Variants in LRRC37A2 observed in about 807,000 individuals in gnomAD.
The protein encoded by LRRC37A2 is leucine rich repeat containing 37 member A2.
LRRC37A2 carries 9 observed loss-of-function variants against 68.8 expected under a neutral mutation model. The observed-to-expected ratio is 0.13, with a 90% CI of 0.08 to 0.23. LRRC37A2 has a LOEUF of 0.23. Among genes scored for constraint, LRRC37A2 ranks in the 10% least tolerant of loss-of-function variants. LRRC37A2 has a pLI of 1.00. For missense variants in LRRC37A2, 168 were observed against 950.4 expected, an observed-to-expected ratio of 0.18 and a Z score of 10.82; for synonymous variants, 63 against 367.6, an observed-to-expected ratio of 0.17 and a Z score of 9.48.
the LRRC37A2 span, chr17:46,934,890 C>G: frequency 2.6e-6 from 2 of 755,646 alleles, no homozygotes; most frequent in Non-Finnish European, 4.6e-6. Context: ...TTTGCTTTTT[C>G]TTATCCATTA....
the LRRC37A2 span, among the ~76,000 whole-genome samples, chr17:46,715,452 T>C: frequency 2.0e-5 from 3 of 152,248 alleles, no homozygotes; most frequent in African/African-American, 7.2e-5. Context: ...ATTTATTGAA[T>C]AGCTAATTCT....
chr17:46,716,209 T>G, the LRRC37A2 span, among the ~76,000 whole-genome samples: 1 of 151,958 alleles, frequency 6.6e-6, no homozygotes, highest in Non-Finnish European at 1.5e-5. Flanking sequence ...AATGTAAATG[T>G]CATTCTTTAG....
the LRRC37A2 span, among the ~76,000 whole-genome samples, chr17:46,741,103 A>T: frequency 6.6e-6 from 1 of 152,218 alleles, no homozygotes; most frequent in African/African-American, 2.4e-5. Flanking sequence ...AGCAAAGCAT[A>T]GTGAAAATAG....
At chr17:46,787,365 G>A in the LRRC37A2 span, among the ~76,000 whole-genome samples, 2 of 152,184 alleles carry the variant, frequency 1.3e-5, no homozygotes, top group African/African-American at 2.4e-5. Flanking sequence ...AAATGGCCAC[G>A]CATGTTAGTG....
chr17:46,713,838 C>G, the LRRC37A2 span: 2 of 1,606,820 alleles, frequency 1.2e-6, no homozygotes. Flanking sequence ...CTGACTTGCT[C>G]ATATCTTTAT....
the LRRC37A2 span, chr17:47,033,426 C>T: frequency 1.4e-6 from 1 of 690,950 alleles, no homozygotes; most frequent in South Asian, 1.5e-5. Context: ...TCCCCAAGTA[C>T]ATCGCGCATA....
At chr17:46,997,512 G>T in the LRRC37A2 span, among the ~76,000 whole-genome samples, 11 of 152,166 alleles carry the variant, frequency 7.2e-5, no homozygotes, top group Non-Finnish European at 1.6e-4. Flanking sequence ...AACAAGTCTT[G>T]CCAAAAACTC....
At chr17:46,941,481 T>C in the LRRC37A2 span, 2 of 959,028 alleles carry the variant, frequency 2.1e-6, no homozygotes, top group Non-Finnish European at 2.5e-6. Context: ...GGCTGGCTGC[T>C]TCAGAAGCAG....
chr17:46,946,455 CCGTCTCAAA>C, the LRRC37A2 span, among the ~76,000 whole-genome samples: 1 of 117,118 alleles, frequency 8.5e-6, no homozygotes, highest in Admixed American at 9.0e-5. Flanking sequence ...GAGCAAAACT[CCGTCTCAAA>C]AAAAAAAAAA....
At chr17:46,688,913 TAAGAA>T in the LRRC37A2 span, among the ~76,000 whole-genome samples, 2 of 128,136 alleles carry the variant, frequency 1.6e-5, no homozygotes, top group African/African-American at 7.0e-5. Flanking sequence ...AGCAAAAATT[TAAGAA>T]AAGAAAATAT....
the LRRC37A2 span, among the ~76,000 whole-genome samples, chr17:46,816,617 C>G: frequency 2.0e-5 from 3 of 152,132 alleles, no homozygotes; most frequent in Non-Finnish European, 2.9e-5. Context: ...CTTGACCTTC[C>G]AGGTTTCCCC....
chr17:46,725,038 T>A, the LRRC37A2 span, among the ~76,000 whole-genome samples: 1 of 152,222 alleles, frequency 6.6e-6, no homozygotes, highest in Non-Finnish European at 1.5e-5. Context: ...TTAAATGATA[T>A]GAGGATACAG....
the LRRC37A2 span, among the ~76,000 whole-genome samples, chr17:46,824,530 T>C: frequency 6.6e-6 from 1 of 152,246 alleles, no homozygotes; most frequent in African/African-American, 2.4e-5. Context: ...ATTACAGGCG[T>C]AAGCCCCCAT....
the LRRC37A2 span, among the ~76,000 whole-genome samples, chr17:46,787,752 G>A: frequency 4.6e-5 from 7 of 152,146 alleles, no homozygotes; most frequent in Admixed American, 1.3e-4. Flanking sequence ...TCAGGAGTTC[G>A]AGACCAGCCT....
the LRRC37A2 span, among the ~76,000 whole-genome samples, chr17:47,000,061 AAT>A: frequency 3.9e-5 from 1 of 25,538 alleles, no homozygotes; most frequent in African/African-American, 7.9e-5. Context: ...AATAAAATAA[AAT>A]TAAAATAAAA....
the LRRC37A2 span, chr17:46,975,072 T>A: frequency 6.9e-6 from 1 of 145,030 alleles, no homozygotes; most frequent in African/African-American, 2.6e-5. Flanking sequence ...GTTCATACGA[T>A]AAACAAAACT....
chr17:46,490,510 C>G, the LRRC37A2 span, among the ~76,000 whole-genome samples: 1 of 150,898 alleles, frequency 6.6e-6, no homozygotes, highest in South Asian at 2.1e-4. Context: ...ATTGCCTGAG[C>G]TCGAGAGTTG....
the LRRC37A2 span, chr17:46,769,817 G>A: frequency 6.2e-7 from 1 of 1,612,724 alleles, no homozygotes; most frequent in East Asian, 2.2e-5. Flanking sequence ...CTTGTTCATG[G>A]CCGAGCGCGC....
the LRRC37A2 span, among the ~76,000 whole-genome samples, chr17:47,020,561 C>T: frequency 7.3e-5 from 11 of 150,440 alleles, no homozygotes; most frequent in East Asian, 1.9e-4. Context: ...GGGCGGATCA[C>T]GAGGTCAGGA....
Sources: allele counts gnomAD v4.1 joint callset (sites outside exome capture counted in the v4.1 genomes callset), GRCh38; gene constraint gnomAD v4.1.1; transcripts MANE v1.5; gene names NCBI Gene and HGNC (gene_info 2026-07-23, HGNC 2026-07-21).